The following CCDC102B variants were observed in gnomAD, a reference collection of about 807,000 sequenced individuals.
CCDC102B encodes the protein coiled-coil domain containing 102B, also known as coiled-coil domain-containing protein 102B.
A neutral mutation model predicts 57.4 loss-of-function variants in CCDC102B; 75 were observed. The ratio of observed to expected loss-of-function variants is 1.31; its 90% CI spans 1.08 to 1.58. CCDC102B has a LOEUF of 1.58. CCDC102B is among the 40% of genes most tolerant of loss of function. The pLI, the probability that CCDC102B is intolerant of heterozygous loss-of-function variation, is 0.00. For missense variants in CCDC102B, 636 were observed against 582.6 expected (o/e 1.09, Z -0.94); for synonymous variants, 206 against 201.9 (o/e 1.02, Z -0.17).
intron 5 of CCDC102B, among the ~76,000 whole-genome samples, chr18:68,891,511 G>A (rs932424481): frequency 1.3e-5 from 2 of 152,202 alleles, no homozygotes; most frequent in Admixed American, 6.5e-5. Context: ...TATAGATGTT[G>A]CATTCCTTTT....
chr18:68,923,744 T>C (rs1437257568), intron 6 of CCDC102B, among the ~76,000 whole-genome samples: 1 of 152,084 alleles, frequency 6.6e-6, no homozygotes, highest in African/African-American at 2.4e-5. Flanking sequence ...ATTAAGCTTG[T>C]TGTCTTTATA....
Position 68,865,270 on chromosome 18 carries a change from C to T in CCDC102B, c.937-9399C>T, listed in dbSNP as rs551280644. 4.4e-3 allele frequency among the ~76,000 whole-genome samples: 669 copies of T among 152,144 alleles called. 4 individuals carry two copies. The highest frequency in any genetic ancestry group is 0.015 in the African/African-American group (619 of 41,544). On this transcript the variant is annotated intron_variant, in intron 4 of 7. Coordinates refer to ENST00000360242, the MANE Select transcript of CCDC102B (RefSeq NM_024781.3). ...CTTCCTGTTCCTTTTCTTATATTTT[C>T]GCAAATAGATGCTGATCTTCTGCAA...
intron 6 of CCDC102B, among the ~76,000 whole-genome samples, chr18:68,928,643 A>C (rs1174397048): frequency 6.6e-6 from 1 of 151,932 alleles, no homozygotes; most frequent in African/African-American, 2.4e-5. Context: ...TGGAGTGGAA[A>C]GGGAAGAAAT....
chr18:68,853,082 G>T (rs2038207135), intron 4 of CCDC102B, among the ~76,000 whole-genome samples: 1 of 152,102 alleles, frequency 6.6e-6, no homozygotes, highest in South Asian at 2.1e-4. Flanking sequence ...TTCTCTGATT[G>T]ACATGAAGGA....
At chr18:69,022,683 A>G (rs1016388560) in intron 7 of CCDC102B, among the ~76,000 whole-genome samples, 1 of 151,986 alleles carries the variant, frequency 6.6e-6, no homozygotes, top group Non-Finnish European at 1.5e-5. Flanking sequence ...TTTTATCCTC[A>G]TCCCCCACTC....
chr18:69,052,567 T>C (rs974285248), intron 7 of CCDC102B, among the ~76,000 whole-genome samples: 1 of 151,864 alleles, frequency 6.6e-6, no homozygotes, highest in Non-Finnish European at 1.5e-5. Flanking sequence ...TCTGAAAAGA[T>C]CATCATTAGG....
downstream of CCDC102B, among the ~76,000 whole-genome samples, chr18:69,056,694 TGATA>T (rs1568155437): frequency 6.7e-6 from 1 of 149,822 alleles, no homozygotes; most frequent in African/African-American, 2.5e-5. Context: ...GGATAGAGAT[TGATA>T]GATACATTAG....
chr18:68,809,549 G>A (rs916796271), intron 1 of CCDC102B, among the ~76,000 whole-genome samples: 4 of 151,492 alleles, frequency 2.6e-5, no homozygotes, highest in African/African-American at 9.7e-5. Flanking sequence ...TAAATAACTT[G>A]TAACAAATGA....
At chr18:68,844,192 C>CT (rs1464769940) in intron 3 of CCDC102B, among the ~76,000 whole-genome samples, 2 of 151,754 alleles carry the variant, frequency 1.3e-5, no homozygotes, top group Non-Finnish European at 2.9e-5. Flanking sequence ...GAGTTTCTAA[C>CT]TTATCATTTG....
intron 6 of CCDC102B, among the ~76,000 whole-genome samples, chr18:68,980,858 C>G (rs914018301): frequency 6.6e-6 from 1 of 151,952 alleles, no homozygotes; most frequent in African/African-American, 2.4e-5. Context: ...CGTATGGACA[C>G]TGGATTTTAC....
rs929061201 is a variant in CCDC102B, at chr18:69,011,014, C to T, written c.1344C>T (p.Asn448=). 8.7e-6 allele frequency: 14 copies of T among 1,613,754 alleles called. No individual in the cohort carries two copies. The Admixed American group carries it at 2.0e-4, about 23-fold the overall frequency. ...ATATTGCAGAACTGACTCATGCAAA[C>T]AACCGAGTGGATCAAAATGAAGCAG... ...QANIAELTHA[N]NRVDQNEAEV... is the part of the protein sequence containing the mutation. Residue 448 remains asparagine (N), a synonymous_variant, in exon 7 of 8, where the codon AAC becomes AAT. Transcript: ENST00000360242.
intron 6 of CCDC102B, among the ~76,000 whole-genome samples, chr18:68,982,583 T>A (rs2050619890): frequency 6.6e-6 from 1 of 152,022 alleles, no homozygotes; most frequent in South Asian, 2.1e-4. Flanking sequence ...ATAATTCTCT[T>A]TTCCAATCAT....
At chr18:68,841,905 A>AT (rs977197952) in intron 3 of CCDC102B, among the ~76,000 whole-genome samples, 7 of 151,440 alleles carry the variant, frequency 4.6e-5, no homozygotes, top group Admixed American at 3.3e-4. Flanking sequence ...CTAATTTTTT[A>AT]TTTTTTTATT....
At chr18:69,022,223 A>ATATATATATATAT (rs1160074383) in intron 7 of CCDC102B, among the ~76,000 whole-genome samples, 3 of 100,548 alleles carry the variant, frequency 3.0e-5, no homozygotes, top group African/African-American at 1.3e-4. Flanking sequence ...ATATATATAT[A>ATATATATATATAT]ACACACACAC....
At chr18:68,784,337 T>TTTTTTTTTTTTTTTTTTTTTTTTTTTGAG (rs2035113446) in intron 2 of CCDC102B, among the ~76,000 whole-genome samples, 1 of 152,012 alleles carries the variant, frequency 6.6e-6, no homozygotes, top group African/African-American at 2.4e-5. Flanking sequence ...CACACATTTT[T>TTTTTTTTTTTTTTTTTTTTTTTTTTTGAG]AAACAACCAG....
Position 68,764,887 on chromosome 18 carries a change from TA to T in CCDC102B, c.-67+48304del, listed in dbSNP as rs199969769. 6.9e-3 allele frequency among the ~76,000 whole-genome samples: 987 copies of T among 143,106 alleles called. 9 individuals are homozygous for T. The highest frequency in any genetic ancestry group is 0.021 in the African/African-American group (828 of 39,332). The allele number at this position is 143,106 out of a possible 152,430, so 93.9% of individuals were successfully genotyped here. A position where few individuals can be genotyped will look rare whatever the true frequency, so the allele number is the denominator to read the frequency against. On this transcript the variant is annotated intron_variant, in intron 2 of 3. Transcript: ENST00000578970. Reference sequence around the variant, plus strand: ...CCTGTCTCTAGCCAAATAATAATGATAAAAAAAAAAATAGCTGGGCGTGGTG... The same window carrying T: ...CCTGTCTCTAGCCAAATAATAATGATAAAAAAAAAATAGCTGGGCGTGGTG...
downstream of CCDC102B, among the ~76,000 whole-genome samples, chr18:69,056,187 A>G (rs1413017336): frequency 1.3e-5 from 2 of 152,128 alleles, no homozygotes; most frequent in Non-Finnish European, 2.9e-5. Context: ...TCAAAGTTGA[A>G]GTTGCATAGT....
intron 6 of CCDC102B, among the ~76,000 whole-genome samples, chr18:68,956,384 T>C (rs1192583500): frequency 3.1e-5 from 3 of 97,800 alleles, no homozygotes; most frequent in Non-Finnish European, 6.0e-5. Context: ...ATGTATAATA[T>C]ATAATATATA....
At chr18:68,815,428 T>C (rs968894754) in intron 1 of CCDC102B, among the ~76,000 whole-genome samples, 2 of 152,212 alleles carry the variant, frequency 1.3e-5, no homozygotes, top group Non-Finnish European at 2.9e-5. Context: ...TCTAGATTCA[T>C]TTTTTGAATG....
Sources: gnomAD v4.1 joint callset for allele counts (sites outside exome capture counted in the v4.1 genomes callset) on GRCh38, gnomAD v4.1.1 for gene constraint, MANE v1.5 for transcripts, NCBI Gene and HGNC (gene_info 2026-07-23, HGNC 2026-07-21) for gene names.